Variants in HDHD2 observed in about 807,000 individuals in gnomAD.
HDHD2 encodes the protein haloacid dehalogenase-like hydrolase domain-containing protein 2.
HDHD2 carries 26 observed loss-of-function variants against 24.8 expected under a neutral mutation model. That is an observed-to-expected ratio of 1.05 (90% CI 0.77 to 1.45). HDHD2 has a LOEUF of 1.45. HDHD2 is among the 40% of genes most tolerant of loss of function. The pLI, the probability that HDHD2 is intolerant of heterozygous loss-of-function variation, is 0.00. For synonymous variants in HDHD2, 128 were observed against 114.9 expected (o/e 1.11, Z -0.73); for missense variants, 299 against 313.4 (o/e 0.95, Z 0.35).
intron 2 of HDHD2, 36 bp from the exon 3 acceptor site, chr18:47,134,740 T>C: frequency 6.5e-7 from 1 of 1,535,538 alleles, no homozygotes; most frequent in East Asian, 2.2e-5. Context: ...AAAAGGCAGC[T>C]TTTACATTCT....
In HDHD2 at chr18:47,141,818, GT is replaced by G. The variant is rs759538651; in HGVS notation, c.-10-5370del. Among the ~76,000 whole-genome samples the G allele has an allele frequency of 2.0e-5, 3 of 152,096 alleles. No homozygotes were observed. The South Asian group carries it at 6.2e-4, about 32-fold the overall frequency. On this transcript the variant is annotated intron_variant, in intron 1 of 6. Coordinates refer to ENST00000300605, the MANE Select transcript of HDHD2 (RefSeq NM_032124.5). ...TGATAATTGATTACATTTTGATATG[GT>G]TTGGCTGTGTTCCCACTCGAATCTC...
rs2063485942 is a variant in HDHD2 at position 47,107,728 on chromosome 18, T to C, written c.*954A>G. The stretch of plus-strand genomic sequence containing the variant: ...TCATTTTACAGCTGTAGTAACCAAG[T>C]GCATAAAAGCTTGAATCTGTCCCAA... On this transcript the variant is annotated 3_prime_UTR_variant, in exon 7 of 7. Coordinates refer to ENST00000300605, the MANE Select transcript of HDHD2 (RefSeq NM_032124.5). The C allele has an allele frequency of 6.6e-6, 1 of 152,588 alleles. No homozygotes were observed. The highest frequency in any genetic ancestry group is 2.1e-4 in the South Asian group (1 of 4,834). The allele number at this position is 152,588 out of a possible 1,614,324, so 9.5% of individuals were successfully genotyped here. A position where few individuals can be genotyped will look rare whatever the true frequency, so the allele number is the denominator to read the frequency against.
intron 1 of HDHD2, chr18:47,137,084 G>A: frequency 1.4e-6 from 1 of 729,712 alleles, no homozygotes. Context: ...CTTGAAGGTG[G>A]CAGGGCAGAA....
chr18:47,115,095 G>C (rs62096470), intron 5 of HDHD2, 37 bp downstream of exon 5: 117,869 of 1,498,760 alleles, frequency 0.079, 5,249 homozygotes, highest in East Asian at 0.17. Context: ...CAGCACAACA[G>C]GTGAGCTGGG....
At chr18:47,140,243 C>G (rs1302336920) in intron 1 of HDHD2, among the ~76,000 whole-genome samples, 1 of 152,170 alleles carries the variant, frequency 6.6e-6, no homozygotes, top group Non-Finnish European at 1.5e-5. Flanking sequence ...TTTTGGGATT[C>G]TGACTAGAAC....
chr18:47,121,980 A>C (rs2063611566), intron 4 of HDHD2, among the ~76,000 whole-genome samples: 1 of 152,192 alleles, frequency 6.6e-6, no homozygotes, highest in South Asian at 2.1e-4. Context: ...CACATTTGGT[A>C]ACTATTTCAA....
rs11390608 is a variant in HDHD2 at position 47,147,990 on chromosome 18, CTTTTTT to C, written c.-11+2382_-11+2387del. 6.5e-5 allele frequency among the ~76,000 whole-genome samples: 9 copies of C among 137,996 alleles called. No individual in the cohort carries two copies. In the South Asian group the frequency reaches 1.8e-3, roughly 28 times the overall value. 90.5% of individuals were successfully genotyped at this position (137,996 alleles called of 152,430 possible). Reference sequence around the variant, plus strand: ...TTGTCCAAAACTTTGTTTTTTCTTTCTTTTTTTTTTTTTTTGGAGACAAGGTCTGAC... The same window carrying C: ...TTGTCCAAAACTTTGTTTTTTCTTTCTTTTTTTTTGGAGACAAGGTCTGAC... On this transcript the variant is annotated intron_variant, in intron 1 of 6. Coordinates refer to ENST00000300605, the MANE Select transcript of HDHD2 (RefSeq NM_032124.5).
rs2147451421 is a variant in HDHD2, at chr18:47,107,720, T to A, written c.*962A>T. ...ACGAGATTTCATTTTACAGCTGTAGTAACCAAGTGCATAAAAGCTTGAATC... is the reference window on the plus strand; with the variant it reads ...ACGAGATTTCATTTTACAGCTGTAGAAACCAAGTGCATAAAAGCTTGAATC... On this transcript the variant is annotated 3_prime_UTR_variant, in exon 7 of 7. Coordinates refer to ENST00000300605, the MANE Select transcript of HDHD2 (RefSeq NM_032124.5). 1 of 152,738 alleles carries A rather than the reference T, an allele frequency of 6.5e-6. No homozygotes were observed. The highest frequency in any genetic ancestry group is 1.9e-4 in the East Asian group (1 of 5,188). The allele number at this position is 152,738 out of a possible 1,614,324, so 9.5% of individuals were successfully genotyped here.
At chr18:47,122,765 C>G (rs1164718653) in intron 4 of HDHD2, among the ~76,000 whole-genome samples, 1 of 151,958 alleles carries the variant, frequency 6.6e-6, no homozygotes, top group Non-Finnish European at 1.5e-5. Flanking sequence ...TGTAAAGACT[C>G]AATGTTCCAC....
chr18:47,131,737 T>C (rs1308684878), intron 3 of HDHD2, among the ~76,000 whole-genome samples: 2 of 152,178 alleles, frequency 1.3e-5, no homozygotes, highest in Non-Finnish European at 2.9e-5. Context: ...TTCCTATATA[T>C]ACCTTTAATT....
intron 6 of HDHD2, chr18:47,111,117 A>C: frequency 1.0e-6 from 1 of 985,422 alleles, no homozygotes; most frequent in Non-Finnish European, 1.2e-6. Flanking sequence ...ACCAAAAATC[A>C]ATGGTACAAA....
intron 5 of HDHD2, among the ~76,000 whole-genome samples, chr18:47,114,374 C>A (rs139559611): frequency 2.5e-4 from 38 of 152,290 alleles, no homozygotes; most frequent in African/African-American, 9.1e-4. Flanking sequence ...CCTCTTTGGG[C>A]TTCAGTTTCC....
intron 4 of HDHD2, among the ~76,000 whole-genome samples, chr18:47,125,733 G>A (rs936939967): frequency 1.3e-5 from 2 of 152,096 alleles, no homozygotes; most frequent in Non-Finnish European, 2.9e-5. Context: ...GGGAAGGAGT[G>A]GTAGTGACTG....
At chr18:47,139,631 G>C (rs987559718) in intron 1 of HDHD2, among the ~76,000 whole-genome samples, 3 of 152,128 alleles carry the variant, frequency 2.0e-5, no homozygotes, top group Non-Finnish European at 2.9e-5. Flanking sequence ...CACAGGTCAG[G>C]ACTCGTGACT....
At chr18:47,133,938 C>T (rs575560525) in intron 3 of HDHD2, among the ~76,000 whole-genome samples, 14 of 152,304 alleles carry the variant, frequency 9.2e-5, no homozygotes, top group African/African-American at 3.4e-4. Flanking sequence ...CCTGTTCACT[C>T]TGATGGTAGT....
In HDHD2 at chr18:47,130,336, CG is replaced by C. The variant is rs781560611; in HGVS notation, c.311-9del. On this transcript the variant is annotated splice_polypyrimidine_tract_variant and intron_variant, in intron 3 of 6. Transcript: ENST00000300605. ...GATCACTTGTTTGTATTCCTGGGAA[CG>C]GAAAAAAAAAATGATTGTTGCAAAT... The C allele has an allele frequency of 1.1e-5, 17 of 1,533,018 alleles. No homozygotes were observed. Among genetic ancestry groups the C allele is most frequent in the Non-Finnish European group, 1.5e-5 (17 of 1,131,946 alleles). 95.0% of individuals were successfully genotyped at this position (1,533,018 alleles called of 1,614,324 possible).
rs368053216 is a variant in HDHD2, at chr18:47,123,898, T to C, written c.395+6346A>G. Among the ~76,000 whole-genome samples, 274 of 152,252 alleles carry C rather than the reference T, an allele frequency of 1.8e-3. 1 individual carries two copies. Among genetic ancestry groups the C allele is most frequent in the East Asian group, 3.5e-3 (18 of 5,176 alleles). On this transcript the variant is annotated intron_variant, in intron 4 of 6. Transcript: ENST00000300605. ...AATCTGTGTGGAAATCCAAAGGAGG[T>C]AGAATAGCCAAGACAATCTTAAATA...
chr18:47,137,642 TAAC>T (rs966763816), intron 1 of HDHD2, among the ~76,000 whole-genome samples: 21 of 152,170 alleles, frequency 1.4e-4, no homozygotes, highest in Non-Finnish European at 2.1e-4. Context: ...TGCTCTGTTT[TAAC>T]AACAACAACA....
chr18:47,146,062 T>C (rs562144251), intron 1 of HDHD2, among the ~76,000 whole-genome samples: 5 of 151,986 alleles, frequency 3.3e-5, no homozygotes, highest in Admixed American at 6.6e-5. Flanking sequence ...TGAAACCCTG[T>C]CTCTACAAAT....
Sources: allele counts gnomAD v4.1 joint callset (sites outside exome capture counted in the v4.1 genomes callset), GRCh38; gene constraint gnomAD v4.1.1; transcripts MANE v1.5; gene names NCBI Gene and HGNC (gene_info 2026-07-23, HGNC 2026-07-21).